The following RHOBTB3 variants were observed in gnomAD, a reference collection of about 807,000 sequenced individuals.
The protein encoded by RHOBTB3 is Rho related BTB domain containing 3.
RHOBTB3 carries 47 observed loss-of-function variants against 67.2 expected under a neutral mutation model. That is an observed-to-expected ratio of 0.70 (90% CI 0.55 to 0.89). RHOBTB3 has a LOEUF of 0.89. Ranked by LOEUF, RHOBTB3 falls within the 40% of genes least tolerant of loss-of-function variation. The pLI is 0.00. For missense variants in RHOBTB3, 631 were observed against 750.0 expected, an observed-to-expected ratio of 0.84 and a Z score of 1.85; for synonymous variants, 273 against 274.2, an observed-to-expected ratio of 1.00 and a Z score of 0.04.
intron 3 of RHOBTB3, among the ~76,000 whole-genome samples, chr5:95,744,831 G>A (rs1211223631): frequency 6.6e-6 from 1 of 152,126 alleles, no homozygotes; most frequent in East Asian, 1.9e-4. Flanking sequence ...AGCACTTTGG[G>A]TGACTGAGGT....
At chr5:95,734,562 A>G (rs1360379432) in intron 2 of RHOBTB3, among the ~76,000 whole-genome samples, 1 of 152,140 alleles carries the variant, frequency 6.6e-6, no homozygotes, top group East Asian at 1.9e-4. Context: ...TCCTTGCCTT[A>G]TATACTTGGC....
In RHOBTB3 at chr5:95,737,378, C is replaced by T. The variant is rs1446290393; in HGVS notation, c.415+303C>T. Among the ~76,000 whole-genome samples the T allele has an allele frequency of 3.9e-5, 6 of 152,258 alleles. No homozygotes were observed. The East Asian group carries it at 1.2e-3, about 29-fold the overall frequency. ...GAGAGGTATTAGGCTGATGCTGAGC[C>T]CTAGAAAACTCTTTTTGATGATCTG... On this transcript the variant is annotated intron_variant, in intron 3 of 11. Coordinates refer to ENST00000379982, the MANE Select transcript of RHOBTB3 (RefSeq NM_014899.4).
chr5:95,750,636 T>A (rs1434231075), intron 4 of RHOBTB3, among the ~76,000 whole-genome samples: 1 of 152,252 alleles, frequency 6.6e-6, no homozygotes, highest in African/African-American at 2.4e-5. Context: ...CTCCGGCCAC[T>A]GGTCCTGGGT....
chr5:95,738,784 G>A (rs927415895), intron 3 of RHOBTB3, among the ~76,000 whole-genome samples: 1 of 151,954 alleles, frequency 6.6e-6, no homozygotes, highest in African/African-American at 2.4e-5. Flanking sequence ...CACCACTTAT[G>A]TCCTCGTTAG....
At chr5:95,745,268 GC>G (rs5869689) in intron 3 of RHOBTB3, among the ~76,000 whole-genome samples, 74,660 of 151,674 alleles carry the variant, frequency 0.49, 18,980 homozygotes, top group East Asian at 0.82. Flanking sequence ...AAAGAATTCA[GC>G]CAAGTATAAT....
At chr5:95,787,849 A>G (rs746370765) in intron 10 of RHOBTB3, among the ~76,000 whole-genome samples, 8 of 152,210 alleles carry the variant, frequency 5.3e-5, no homozygotes. Context: ...TCTGATAGGG[A>G]TAGGGAGAAA....
At chr5:95,770,866 A>G (rs938821102) in intron 8 of RHOBTB3, among the ~76,000 whole-genome samples, 3 of 152,216 alleles carry the variant, frequency 2.0e-5, no homozygotes, top group African/African-American at 7.2e-5. Context: ...TACTGATTTC[A>G]GCTGACAATA....
intron 11 of RHOBTB3, chr5:95,789,228 A>T (rs1423794299): frequency 2.9e-5 from 5 of 173,110 alleles, no homozygotes; most frequent in Admixed American, 6.4e-5. Context: ...GTACAGATTT[A>T]AAAATTTTTT....
Position 95,742,514 on chromosome 5 carries a change from CT to C in RHOBTB3, c.415+5443del, listed in dbSNP as rs548178896. Among the ~76,000 whole-genome samples, 393 of 152,266 alleles carry C rather than the reference CT, an allele frequency of 2.6e-3. 2 individuals are homozygous for C. The highest frequency in any genetic ancestry group is 8.9e-3 in the African/African-American group (369 of 41,578). On this transcript the variant is annotated intron_variant, in intron 3 of 11. Coordinates refer to ENST00000379982, the MANE Select transcript of RHOBTB3 (RefSeq NM_014899.4). ...TTTTCTCTATTCTCTTCTTTTGGGA[CT>C]TTTGTTAGACTGATGTTGGAACTTC...
intron 1 of RHOBTB3, among the ~76,000 whole-genome samples, chr5:95,725,775 T>C (rs1305090829): frequency 6.6e-6 from 1 of 152,202 alleles, no homozygotes; most frequent in African/African-American, 2.4e-5. Flanking sequence ...TTTCATGTGG[T>C]TGCTCTCATT....
At chr5:95,736,133 A>G (rs1755450433) in intron 2 of RHOBTB3, among the ~76,000 whole-genome samples, 1 of 152,226 alleles carries the variant, frequency 6.6e-6, no homozygotes, top group Non-Finnish European at 1.5e-5. Context: ...TTTGTAATAA[A>G]TTACTTACTG....
intron 3 of RHOBTB3, among the ~76,000 whole-genome samples, chr5:95,742,275 T>A (rs1057303210): frequency 3.3e-5 from 5 of 152,244 alleles, no homozygotes; most frequent in Admixed American, 3.3e-4. Flanking sequence ...TTCAATCTGG[T>A]ATTCGTATCT....
chr5:95,758,079 T>C (rs907055862), intron 6 of RHOBTB3, among the ~76,000 whole-genome samples: 2 of 152,230 alleles, frequency 1.3e-5, no homozygotes, highest in Admixed American at 6.5e-5. Flanking sequence ...ACAATTATTA[T>C]TGACTACTTT....
intron 11 of RHOBTB3, among the ~76,000 whole-genome samples, chr5:95,792,204 C>T (rs1424002204): frequency 6.6e-6 from 1 of 152,016 alleles, no homozygotes; most frequent in Non-Finnish European, 1.5e-5. Flanking sequence ...ACTAAGTTAG[C>T]TACAAAGAAA....
At chr5:95,732,765 G>T (rs932065099) in intron 2 of RHOBTB3, 1 of 152,168 alleles carries the variant, frequency 6.6e-6, no homozygotes, top group Non-Finnish European at 1.5e-5. Flanking sequence ...TAGTGAAGTG[G>T]ATAAATTATA....
Position 95,755,457 on chromosome 5 carries a change from G to C in RHOBTB3, c.744G>C (p.Leu248=). Residue 248 remains leucine (L), a synonymous_variant, in exon 6 of 12, where the codon CTG becomes CTC. Coordinates refer to ENST00000379982, the MANE Select transcript of RHOBTB3 (RefSeq NM_014899.4). ...ATAACTCTGACTTAAATAACTTGCT[G>C]TTCTGCTGCCAGTGTGTGGACGTGG... ...SHYNSDLNNL[L]FCCQCVDVVF... 6.2e-7 allele frequency: 1 copy of C among 1,613,372 alleles called. No individual in the cohort carries two copies. Among genetic ancestry groups the C allele is most frequent in the South Asian group, 1.1e-5 (1 of 90,862 alleles).
Position 95,737,013 on chromosome 5 carries a change from T to G in RHOBTB3, c.353T>G (p.Val118Gly). The part of the protein sequence containing the change: ...FHEVKDNYIP[V>G]IKRALNSVPV... ...GAAGTAAAGGATAATTATATTCCAG[T>G]GATAAAAAGAGCATTAAATTCAGTT... The change falls in exon 3 of 12, where the codon GTG becomes GGG. Residue 118 changes from valine (V) to glycine (G), a missense_variant. Transcript: ENST00000379982. 6.2e-7 allele frequency: 1 copy of G among 1,606,096 alleles called. No individual in the cohort carries two copies. The highest frequency in any genetic ancestry group is 8.5e-7 in the Non-Finnish European group (1 of 1,173,210).
chr5:95,768,291 T>G, intron 8 of RHOBTB3, 125 bp downstream of exon 8: 1 of 779,212 alleles, frequency 1.3e-6, no homozygotes, highest in Non-Finnish European at 2.1e-6. Context: ...GTATGTAGAT[T>G]AATACTACCT....
chr5:95,786,398 TAGATG>T (rs1457779407), intron 10 of RHOBTB3, among the ~76,000 whole-genome samples: 2 of 152,230 alleles, frequency 1.3e-5, no homozygotes, highest in East Asian at 3.8e-4. Context: ...CTTTCTTAGA[TAGATG>T]AGCAGTGTGG....
Sources: gnomAD v4.1 joint callset for allele counts (sites outside exome capture counted in the v4.1 genomes callset) on GRCh38, gnomAD v4.1.1 for gene constraint, MANE v1.5 for transcripts, NCBI Gene and HGNC (gene_info 2026-07-23, HGNC 2026-07-21) for gene names.